Variants in DPP6 observed in about 807,000 individuals in gnomAD.
The protein encoded by DPP6 is dipeptidyl peptidase like 6.
A neutral mutation model predicts 122.6 loss-of-function variants in DPP6; 69 were observed. The ratio of observed to expected loss-of-function variants is 0.56; its 90% CI spans 0.46 to 0.69. The LOEUF (loss-of-function observed/expected upper bound fraction) is 0.69. DPP6 is among the 30% of genes least tolerant of loss of function. The probability of loss-of-function intolerance (pLI) is 0.00; values close to 1 mark genes in which losing one functional copy is unlikely to be tolerated. For synonymous variants in DPP6, 418 were observed against 433.1 expected (o/e 0.97, Z 0.43); for missense variants, 928 against 1,116.9 (o/e 0.83, Z 2.41).
At chr7:153,823,044 T>C in the DPP6 span, among the ~76,000 whole-genome samples, 2 of 152,086 alleles carry the variant, frequency 1.3e-5, no homozygotes, top group African/African-American at 4.8e-5. Flanking sequence ...TCTGAGGGCC[T>C]CGTGCATTGC....
At chr7:154,818,479 A>T (rs1004000247) in intron 16 of DPP6, among the ~76,000 whole-genome samples, 4 of 152,170 alleles carry the variant, frequency 2.6e-5, no homozygotes, top group Non-Finnish European at 5.9e-5. Flanking sequence ...TTTGCTAATA[A>T]CTCATGCCTA....
At chr7:154,636,966 G>A (rs1021445270) in intron 5 of DPP6, among the ~76,000 whole-genome samples, 3 of 152,216 alleles carry the variant, frequency 2.0e-5, no homozygotes, top group Non-Finnish European at 2.9e-5. Flanking sequence ...AAAGGAAAGG[G>A]TTGGGGGAAA....
At chr7:154,294,302 G>A (rs1308253082) in intron 1 of DPP6, among the ~76,000 whole-genome samples, 1 of 152,188 alleles carries the variant, frequency 6.6e-6, no homozygotes, top group Non-Finnish European at 1.5e-5. Context: ...AAGGAGTTGG[G>A]AGTGGGGCTG....
At chr7:154,374,968 A>G (rs1440427716) in intron 1 of DPP6, among the ~76,000 whole-genome samples, 1 of 152,150 alleles carries the variant, frequency 6.6e-6, no homozygotes, top group African/African-American at 2.4e-5. Context: ...TCATTATGTG[A>G]CAGACACTTT....
At chr7:154,227,313 A>C (rs1353535260) in intron 1 of DPP6, among the ~76,000 whole-genome samples, 1 of 151,962 alleles carries the variant, frequency 6.6e-6, no homozygotes, top group Non-Finnish European at 1.5e-5. Flanking sequence ...AGGACATTAT[A>C]CTAAGTGAAA....
intron 1 of DPP6, among the ~76,000 whole-genome samples, chr7:153,966,964 G>A (rs895743159): frequency 1.3e-5 from 2 of 151,152 alleles, no homozygotes; most frequent in Non-Finnish European, 2.9e-5. Context: ...CTACTTGGGA[G>A]GCTGAGGTGG....
At chr7:154,579,321 C>A (rs1831891004) in intron 5 of DPP6, among the ~76,000 whole-genome samples, 1 of 151,920 alleles carries the variant, frequency 6.6e-6, no homozygotes, top group Non-Finnish European at 1.5e-5. Flanking sequence ...TGCACTACCG[C>A]CTGGGCAACA....
Position 154,653,307 on chromosome 7 carries a change from T to C in DPP6, c.680+15434T>C, listed in dbSNP as rs371359027. Among the ~76,000 whole-genome samples, 4 of 152,134 alleles carry C rather than the reference T, an allele frequency of 2.6e-5. No individual in the cohort carries two copies. The East Asian group carries it at 5.8e-4, about 22-fold the overall frequency. On this transcript the variant is annotated intron_variant, in intron 6 of 25. Transcript: ENST00000377770. ...AGGTTGAAGCTGCAGAGAGCTATGA[T>C]TGTGCCAATCTACTCCAGCGACAGC... is the stretch of plus-strand genomic sequence containing the variant.
At chr7:154,776,465 A>G (rs1207623913) in intron 10 of DPP6, among the ~76,000 whole-genome samples, 2 of 151,878 alleles carry the variant, frequency 1.3e-5, no homozygotes, top group Non-Finnish European at 2.9e-5. Flanking sequence ...CCCCGCTTCC[A>G]TTTTCTTCCT....
chr7:154,860,812 A>G (rs1803322109), intron 17 of DPP6, among the ~76,000 whole-genome samples: 1 of 152,206 alleles, frequency 6.6e-6, no homozygotes, highest in South Asian at 2.1e-4. Context: ...TCTCAGAAAC[A>G]GTGGCCAGGA....
In DPP6 at chr7:154,892,695, C is replaced by A; in HGVS notation, c.*215C>A. ...GGCCTCCATGGCACCAGGGACAACGCTGTCCCCGCAGCAGCGCCTCCTCCC... is the reference window on the plus strand; with the variant it reads ...GGCCTCCATGGCACCAGGGACAACGATGTCCCCGCAGCAGCGCCTCCTCCC... On this transcript the variant is annotated 3_prime_UTR_variant, in exon 26 of 26. Coordinates refer to ENST00000377770, the MANE Select transcript of DPP6 (RefSeq NM_130797.4). The A allele has an allele frequency of 2.0e-6, 2 of 1,023,244 alleles. No homozygotes were observed. The highest frequency in any genetic ancestry group is 2.5e-5 in the South Asian group (2 of 78,588). 63.4% of individuals were successfully genotyped at this position (1,023,244 alleles called of 1,614,324 possible).
At chr7:154,619,026 G>A (rs911771534) in intron 5 of DPP6, among the ~76,000 whole-genome samples, 1 of 152,086 alleles carries the variant, frequency 6.6e-6, no homozygotes, top group African/African-American at 2.4e-5. Flanking sequence ...TTTATAAAGG[G>A]CAGTTCCCCT....
At chr7:154,681,020 C>T (rs536443827) in intron 7 of DPP6, among the ~76,000 whole-genome samples, 1 of 152,098 alleles carries the variant, frequency 6.6e-6, no homozygotes, top group Non-Finnish European at 1.5e-5. Context: ...AAGTCATCAT[C>T]GTATACACTT....
intron 1 of DPP6, among the ~76,000 whole-genome samples, chr7:154,354,628 GT>G (rs760103637): frequency 4.6e-5 from 7 of 152,138 alleles, no homozygotes; most frequent in Non-Finnish European, 1.0e-4. Flanking sequence ...TTGGAACCCT[GT>G]ATAAATAGAA....
At chr7:154,634,462 T>A (rs1370608546) in intron 5 of DPP6, among the ~76,000 whole-genome samples, 1 of 152,098 alleles carries the variant, frequency 6.6e-6, no homozygotes, top group Non-Finnish European at 1.5e-5. Flanking sequence ...ATCATGCTGC[T>A]ACAAAGACAC....
chr7:154,468,624 G>A (rs1038301821), intron 2 of DPP6, among the ~76,000 whole-genome samples: 1 of 152,138 alleles, frequency 6.6e-6, no homozygotes, highest in Non-Finnish European at 1.5e-5. Flanking sequence ...TTTATTTCCT[G>A]GATCTAAAAG....
intron 16 of DPP6, among the ~76,000 whole-genome samples, chr7:154,846,234 GTA>G (rs1212596548): frequency 6.7e-6 from 1 of 150,290 alleles, no homozygotes; most frequent in Non-Finnish European, 1.5e-5. Context: ...GTATGTGTGG[GTA>G]TATATATATA....
At chr7:154,401,233 A>G (rs1000121312) in intron 1 of DPP6, among the ~76,000 whole-genome samples, 1 of 151,732 alleles carries the variant, frequency 6.6e-6, no homozygotes, top group Non-Finnish European at 1.5e-5. Flanking sequence ...AAAAACAGGT[A>G]TTACTGGCTG....
At chr7:154,209,792 C>G (rs568979533) in intron 1 of DPP6, among the ~76,000 whole-genome samples, 18 of 152,264 alleles carry the variant, frequency 1.2e-4, no homozygotes, top group Non-Finnish European at 2.1e-4. Context: ...TAATACTTGC[C>G]ATCGGTTCAA....
Sources: allele counts gnomAD v4.1 joint callset (sites outside exome capture counted in the v4.1 genomes callset), GRCh38; gene constraint gnomAD v4.1.1; transcripts MANE v1.5; gene names NCBI Gene and HGNC (gene_info 2026-07-23, HGNC 2026-07-21).